The following UGT1A8 variants were observed in gnomAD, a reference collection of about 807,000 sequenced individuals.
UGT1A8 encodes UDP glucuronosyltransferase family 1 member A8, also known as UDP-glucuronosyltransferase 1A8.
Under a neutral mutation model 45.3 loss-of-function variants are expected in UGT1A8, and 39 were observed. The observed-to-expected ratio is 0.86, with a 90% CI of 0.67 to 1.12. The LOEUF (loss-of-function observed/expected upper bound fraction) is 1.12, where lower values mean the gene tolerates loss of function less well. Ranked by LOEUF, UGT1A8 falls within the 50% of genes most tolerant of loss-of-function variation. The pLI, the probability that UGT1A8 is intolerant of heterozygous loss-of-function variation, is 0.00. For synonymous variants in UGT1A8, 275 were observed against 249.2 expected (o/e 1.10, Z -0.97); for missense variants, 719 against 664.9 (o/e 1.08, Z -0.90).
intron 1 of UGT1A8, among the ~76,000 whole-genome samples, chr2:233,700,963 T>G (rs1349479998): frequency 6.6e-6 from 1 of 151,662 alleles, no homozygotes; most frequent in Admixed American, 6.6e-5. Flanking sequence ...AGTGAGAACA[T>G]GCGGTGTTTG....
At chr2:233,744,445 T>A (rs1692819462) in intron 1 of UGT1A8, among the ~76,000 whole-genome samples, 1 of 151,876 alleles carries the variant, frequency 6.6e-6, no homozygotes, top group Non-Finnish European at 1.5e-5. Context: ...ACGTACTGCA[T>A]TAGAGATTAA....
chr2:233,721,950 T>C (rs1362850553), intron 1 of UGT1A8: 2 of 360,066 alleles, frequency 5.6e-6, no homozygotes, highest in Admixed American at 6.4e-5. Context: ...TTGGTGGCTC[T>C]TTGTATATGC....
chr2:233,760,663 G>A, intron 1 of UGT1A8: 1 of 1,614,204 alleles, frequency 6.2e-7, no homozygotes, highest in Non-Finnish European at 8.5e-7. Context: ...GCTTTTGTCT[G>A]GCTGTTCCCA....
At chr2:233,649,442 A>G (rs371604191) in intron 1 of UGT1A8, among the ~76,000 whole-genome samples, 2 of 152,252 alleles carry the variant, frequency 1.3e-5, no homozygotes, top group African/African-American at 4.8e-5. Context: ...TACCTGCTGC[A>G]GTAAAATGTT....
intron 1 of UGT1A8, chr2:233,754,615 C>G (rs1360410521): frequency 2.3e-6 from 1 of 438,040 alleles, no homozygotes; most frequent in Non-Finnish European, 4.6e-6. Context: ...TCTCCATCTT[C>G]CTCCACTTCC....
At chr2:233,682,335 T>A in intron 1 of UGT1A8, 1 of 1,614,168 alleles carries the variant, frequency 6.2e-7, no homozygotes. Context: ...GACCGAAAAT[T>A]AGTAGAATAC....
chr2:233,661,102 A>T (rs2073953812), intron 1 of UGT1A8, among the ~76,000 whole-genome samples: 1 of 152,068 alleles, frequency 6.6e-6, no homozygotes, highest in Admixed American at 6.6e-5. Context: ...TTTTATGTAG[A>T]TAATCATGAT....
At chr2:233,704,936 G>C (rs2075813786) in intron 1 of UGT1A8, among the ~76,000 whole-genome samples, 1 of 152,114 alleles carries the variant, frequency 6.6e-6, no homozygotes, top group South Asian at 2.1e-4. Context: ...CCTAGATCAA[G>C]ACCAGCCTGG....
intron 1 of UGT1A8, among the ~76,000 whole-genome samples, chr2:233,650,510 G>A (rs1428021753): frequency 6.6e-6 from 1 of 152,174 alleles, no homozygotes; most frequent in Non-Finnish European, 1.5e-5. Flanking sequence ...TTGCAAATTG[G>A]TATGGATGGT....
chr2:233,744,372 A>C (rs181518181), intron 1 of UGT1A8, among the ~76,000 whole-genome samples: 3 of 151,890 alleles, frequency 2.0e-5, no homozygotes. Flanking sequence ...TTAGGACTGC[A>C]GTTCTCCAAC....
intron 1 of UGT1A8, among the ~76,000 whole-genome samples, chr2:233,631,001 A>T (rs150684755): frequency 3.7e-3 from 566 of 151,900 alleles, no homozygotes; most frequent in Non-Finnish European, 5.1e-3. Flanking sequence ...TCACCCCCCG[A>T]CAGGCCCTGG....
chr2:233,744,004 C>A, intron 1 of UGT1A8: 1 of 1,163,748 alleles, frequency 8.6e-7, no homozygotes, highest in Non-Finnish European at 1.1e-6. Context: ...TGCTCGGAGA[C>A]CTGGGCCGCC....
chr2:233,663,056 C>T (rs754900783), intron 1 of UGT1A8, among the ~76,000 whole-genome samples: 4 of 152,238 alleles, frequency 2.6e-5, no homozygotes, highest in African/African-American at 7.2e-5. Context: ...CATTGCTGTG[C>T]AACCAACACC....
At chr2:233,721,765 T>C (rs974997487) in intron 1 of UGT1A8, 7 of 478,556 alleles carry the variant, frequency 1.5e-5, no homozygotes, top group South Asian at 6.1e-5. Context: ...TAAATTGTTA[T>C]ATTTAGCATT....
At chr2:233,767,718 A>G in intron 2 of UGT1A8, 131 bp from the exon 3 acceptor site, 1 of 1,541,762 alleles carries the variant, frequency 6.5e-7, no homozygotes, top group Non-Finnish European at 8.7e-7. Context: ...AAGCCTTCAC[A>G]GTTACTGATC....
intron 1 of UGT1A8, among the ~76,000 whole-genome samples, chr2:233,640,611 T>A (rs2073425723): frequency 6.6e-6 from 1 of 152,108 alleles, no homozygotes; most frequent in Non-Finnish European, 1.5e-5. Context: ...TTTATGAGGG[T>A]GTCAAGACCA....
At position 233,646,291 on chromosome 2, in the gene UGT1A8, T is replaced by C. The variant is rs185863156; in HGVS notation, c.855+27729T>C. On this transcript the variant is annotated intron_variant, in intron 1 of 4. Transcript: ENST00000373450. ...CCAGGCCTGTGATGGGAGGGACTGC[T>C]GTGAAGACCTCTGACATGCCCTGGA... 3.3e-5 allele frequency among the ~76,000 whole-genome samples: 5 copies of C among 152,364 alleles called. No homozygotes were observed. The East Asian group carries it at 5.8e-4, about 18-fold the overall frequency.
chr2:233,744,383 G>A (rs1055889727), intron 1 of UGT1A8, among the ~76,000 whole-genome samples: 51 of 151,842 alleles, frequency 3.4e-4, no homozygotes, highest in African/African-American at 1.2e-3. Flanking sequence ...GTTCTCCAAC[G>A]TTCCAGCCCC....
Position 233,760,648 on chromosome 2 carries a change from G to C in UGT1A8, c.856-6386G>C, listed in dbSNP as rs1697515818. The C allele has an allele frequency of 6.2e-7, 1 of 1,614,206 alleles. No homozygotes were observed. Among genetic ancestry groups the C allele is most frequent in the African/African-American group, 1.3e-5 (1 of 75,044 alleles). On this transcript the variant is annotated intron_variant, in intron 1 of 4. Coordinates refer to ENST00000373450, the MANE Select transcript of UGT1A8 (RefSeq NM_019076.5). ...ATACAAGAAAATAAAAAAGGACTCT[G>C]CTATGCTTTTGTCTGGCTGTTCCCA...
Sources: gnomAD v4.1 joint callset for allele counts (sites outside exome capture counted in the v4.1 genomes callset) on GRCh38, gnomAD v4.1.1 for gene constraint, MANE v1.5 for transcripts, NCBI Gene and HGNC (gene_info 2026-07-23, HGNC 2026-07-21) for gene names.